Variants in TAMM41 observed in about 807,000 individuals in gnomAD.
TAMM41 encodes phosphatidate cytidylyltransferase, mitochondrial.
TAMM41 carries 36 observed loss-of-function variants against 44.1 expected under a neutral mutation model. The observed-to-expected ratio is 0.82, with a 90% CI of 0.63 to 1.08. TAMM41 has a LOEUF of 1.08. Ranked by LOEUF, TAMM41 falls within the 50% of genes least tolerant of loss-of-function variation. The pLI, the probability that TAMM41 is intolerant of heterozygous loss-of-function variation, is 0.00. For synonymous variants in TAMM41, 164 were observed against 153.1 expected, an observed-to-expected ratio of 1.07 and a Z score of -0.53; for missense variants, 417 against 404.3, an observed-to-expected ratio of 1.03 and a Z score of -0.27.
chr3:11,839,567 A>C (rs1213044289), intron 2 of TAMM41, among the ~76,000 whole-genome samples: 2 of 152,220 alleles, frequency 1.3e-5, no homozygotes, highest in Non-Finnish European at 2.9e-5. Flanking sequence ...ATAACAGAGA[A>C]GTCTAGCATG....
At chr3:11,760,208 C>T in the TAMM41 span, among the ~76,000 whole-genome samples, 1 of 152,218 alleles carries the variant, frequency 6.6e-6, no homozygotes. Flanking sequence ...TTCCCAAAGC[C>T]TGGAGGCCAA....
At chr3:11,789,062 T>C (rs7627219), downstream of TAMM41, among the ~76,000 whole-genome samples, 85,924 of 152,098 alleles carry the variant, frequency 0.56, 25,068 homozygotes, top group East Asian at 0.77. Context: ...AGGCACAAGG[T>C]GCTACCCTAG....
the TAMM41 span, among the ~76,000 whole-genome samples, chr3:11,744,239 T>G: frequency 1.3e-5 from 2 of 151,994 alleles, no homozygotes; most frequent in Non-Finnish European, 2.9e-5. Flanking sequence ...AGCTAGTTTT[T>G]GTATTTTTAG....
chr3:11,833,925 C>T (rs1406226466), intron 3 of TAMM41, among the ~76,000 whole-genome samples: 7 of 152,064 alleles, frequency 4.6e-5, no homozygotes, highest in South Asian at 2.1e-4. Flanking sequence ...GTGTGGTATG[C>T]GAATTTTATC....
At chr3:11,829,577 G>A (rs1559311064) in intron 4 of TAMM41, 137 bp downstream of exon 4, 1 of 949,858 alleles carries the variant, frequency 1.1e-6, no homozygotes, top group Non-Finnish European at 1.6e-6. Flanking sequence ...CACGAGGTTA[G>A]TGCAGGAACC....
chr3:11,804,526 CT>C (rs2077844916), intron 7 of TAMM41, among the ~76,000 whole-genome samples: 1 of 152,164 alleles, frequency 6.6e-6, no homozygotes, highest in African/African-American at 2.4e-5. Flanking sequence ...ATTGTCACAA[CT>C]GAAAAATAAT....
chr3:11,832,696 C>T (rs1355321323), intron 3 of TAMM41, among the ~76,000 whole-genome samples: 3 of 152,182 alleles, frequency 2.0e-5, no homozygotes, highest in African/African-American at 4.8e-5. Context: ...TCACCCAGTG[C>T]TCTTTCCACA....
At chr3:11,802,069 G>T (rs2077771290) in intron 7 of TAMM41, among the ~76,000 whole-genome samples, 1 of 152,018 alleles carries the variant, frequency 6.6e-6, no homozygotes, top group African/African-American at 2.4e-5. Flanking sequence ...AAATACAAAA[G>T]TTAGCCAGGC....
At chr3:11,818,845 C>G (rs2078391830) in intron 4 of TAMM41, among the ~76,000 whole-genome samples, 1 of 150,520 alleles carries the variant, frequency 6.6e-6, no homozygotes, top group Non-Finnish European at 1.5e-5. Context: ...TTGCAGTGAG[C>G]CGAGATCGCG....
At chr3:11,755,310 G>C in the TAMM41 span, among the ~76,000 whole-genome samples, 2 of 149,990 alleles carry the variant, frequency 1.3e-5, no homozygotes, top group African/African-American at 5.0e-5. Context: ...CGCAGGCACT[G>C]GCATGGGACC....
the TAMM41 span, among the ~76,000 whole-genome samples, chr3:11,759,650 T>C: frequency 6.6e-6 from 1 of 152,072 alleles, no homozygotes. Flanking sequence ...AGCGTCTAGA[T>C]GAAAACCAAA....
At chr3:11,741,779 A>G in the TAMM41 span, among the ~76,000 whole-genome samples, 1 of 150,004 alleles carries the variant, frequency 6.7e-6, no homozygotes, top group Non-Finnish European at 1.5e-5. Flanking sequence ...GGACTATCCC[A>G]ATTGCCAGCG....
chr3:11,753,171 A>G, the TAMM41 span, among the ~76,000 whole-genome samples: 8 of 151,854 alleles, frequency 5.3e-5, no homozygotes, highest in Non-Finnish European at 8.8e-5. Flanking sequence ...CATACCTGCA[A>G]TCCCAGCACT....
chr3:11,833,248 G>T, intron 3 of TAMM41: 2 of 977,220 alleles, frequency 2.0e-6, no homozygotes, highest in South Asian at 2.3e-5. Context: ...TAGCACGACT[G>T]CCAGGGAGGA....
chr3:11,809,431 AG>A lies in TAMM41; in HGVS notation c.874+85del, dbSNP rs1001504282. 4.7e-6 allele frequency: 7 copies of A among 1,504,714 alleles called. No homozygotes were observed. The African/African-American group carries it at 9.8e-5, about 21-fold the overall frequency. 93.2% of individuals were successfully genotyped at this position (1,504,714 alleles called of 1,614,324 possible). ...AATCTCTCTATCTCGCTAAACAAAA[AG>A]GAAGAAATAATACATTCCAATCACA... is the stretch of plus-strand genomic sequence containing the variant. On this transcript the variant is annotated intron_variant, in intron 6 of 7. Coordinates refer to ENST00000455809, the MANE Select transcript of TAMM41 (RefSeq NM_001284401.2).
intron 3 of TAMM41, among the ~76,000 whole-genome samples, chr3:11,834,820 G>C (rs2079111747): frequency 6.6e-6 from 1 of 152,064 alleles, no homozygotes; most frequent in Non-Finnish European, 1.5e-5. Context: ...CCTAGTAGCT[G>C]GGATTACAGG....
intron 4 of TAMM41, among the ~76,000 whole-genome samples, chr3:11,822,643 C>T (rs1559300398): frequency 6.6e-6 from 1 of 152,206 alleles, no homozygotes; most frequent in Non-Finnish European, 1.5e-5. Context: ...TTGAATTATA[C>T]ACTATCTGGA....
intron 3 of TAMM41, chr3:11,833,022 T>G (rs2079042988): frequency 9.3e-7 from 1 of 1,073,704 alleles, no homozygotes; most frequent in Admixed American, 4.8e-5. Flanking sequence ...AAATGTCAGT[T>G]CGGAAGATTC....
chr3:11,804,061 C>T (rs754848332), intron 7 of TAMM41, among the ~76,000 whole-genome samples: 3 of 151,996 alleles, frequency 2.0e-5, no homozygotes, highest in Non-Finnish European at 2.9e-5. Flanking sequence ...ATTCCTTAAA[C>T]GTTTTAAAAA....
Sources: gnomAD v4.1 joint callset for allele counts (sites outside exome capture counted in the v4.1 genomes callset) on GRCh38, gnomAD v4.1.1 for gene constraint, MANE v1.5 for transcripts, NCBI Gene and HGNC (gene_info 2026-07-23, HGNC 2026-07-21) for gene names.